The following CCNH variants were observed in gnomAD, a reference collection of about 807,000 sequenced individuals.
The protein encoded by CCNH is cyclin-H.
In CCNH, 31 loss-of-function variants were observed where a neutral mutation model predicts 41.9. The ratio of observed to expected loss-of-function variants is 0.74; its 90% CI spans 0.56 to 1.00. The LOEUF (loss-of-function observed/expected upper bound fraction) is 1.00. Among genes scored for constraint, CCNH ranks in the 50% least tolerant of loss-of-function variants. The probability of loss-of-function intolerance (pLI) is 0.00; values close to 1 mark genes in which losing one functional copy is unlikely to be tolerated. For synonymous variants in CCNH, 138 were observed against 136.1 expected (o/e 1.01, Z -0.10); for missense variants, 362 against 388.4 (o/e 0.93, Z 0.57).
chr5:87,321,597 A>C (rs1001978678), intron 9 of CCNH, among the ~76,000 whole-genome samples: 1 of 152,234 alleles, frequency 6.6e-6, no homozygotes, highest in East Asian at 1.9e-4. Flanking sequence ...ATGTTAAAGG[A>C]TACAAGTAAA....
intron 9 of CCNH, chr5:87,333,442 C>T: frequency 6.6e-7 from 1 of 1,519,190 alleles, no homozygotes; most frequent in Non-Finnish European, 8.9e-7. Flanking sequence ...AAATGGCATA[C>T]AGCAAGGTGA....
At chr5:87,339,080 T>A (rs1758251216) in intron 9 of CCNH, among the ~76,000 whole-genome samples, 1 of 152,168 alleles carries the variant, frequency 6.6e-6, no homozygotes, top group South Asian at 2.1e-4. Context: ...TTCTGTTGTC[T>A]TTTACAGCCT....
At chr5:87,386,691 T>C (rs915585755), downstream of CCNH, 2 of 721,608 alleles carry the variant, frequency 2.8e-6, no homozygotes, top group African/African-American at 1.7e-5. Flanking sequence ...GCTACATGTA[T>C]GGGTTTTGCT....
In CCNH at chr5:87,329,113, T is replaced by G. The variant is rs141062405; in HGVS notation, c.*91-10216A>C. ...ATTAATGTCTTTCTCCTGAACTGAC[T>G]TATCCATTTTAATGCTCAGATCTTA... On this transcript the variant is annotated intron_variant and NMD_transcript_variant, in intron 9 of 9. Transcript: ENST00000645953. Among the ~76,000 whole-genome samples, 402 of 152,238 alleles carry G rather than the reference T, an allele frequency of 2.6e-3. 5 individuals carry two copies. Among genetic ancestry groups the G allele is most frequent in the East Asian group, 8.3e-3 (43 of 5,186 alleles).
At chr5:87,371,802 CTGTT>C (rs1176548833), downstream of CCNH, among the ~76,000 whole-genome samples, 2 of 152,052 alleles carry the variant, frequency 1.3e-5, no homozygotes, top group Non-Finnish European at 2.9e-5. Context: ...AAGGTAGTAT[CTGTT>C]TGGGAGAAAT....
downstream of CCNH, chr5:87,391,081 ATTTGCACT>A: frequency 1.5e-6 from 1 of 647,166 alleles, no homozygotes; most frequent in East Asian, 2.7e-5. Flanking sequence ...TGTGCAGGAT[ATTTGCACT>A]ATTTCCACAT....
intron 9 of CCNH, chr5:87,331,342 C>T: frequency 6.3e-7 from 1 of 1,597,630 alleles, no homozygotes; most frequent in Non-Finnish European, 8.6e-7. Context: ...TCTGTTTTTC[C>T]CCTAGGTGGT....
At chr5:87,409,980 C>A (rs1554054006) in intron 2 of CCNH, among the ~76,000 whole-genome samples, 1 of 152,152 alleles carries the variant, frequency 6.6e-6, no homozygotes, top group Non-Finnish European at 1.5e-5. Context: ...GTATTACTAT[C>A]TCTACAGAGA....
downstream of CCNH, chr5:87,387,040 C>A: frequency 1.4e-6 from 1 of 739,460 alleles, no homozygotes; most frequent in Non-Finnish European, 2.3e-6. Context: ...TTTTGTCTGC[C>A]TTCCTAAACA....
intron 9 of CCNH, among the ~76,000 whole-genome samples, chr5:87,359,277 G>A (rs1235553169): frequency 3.9e-5 from 6 of 152,164 alleles, no homozygotes; most frequent in Non-Finnish European, 7.4e-5. Flanking sequence ...TTCAATGGCT[G>A]TTAGACTCTA....
chr5:87,321,679 C>G (rs562487819), intron 9 of CCNH, among the ~76,000 whole-genome samples: 8 of 152,364 alleles, frequency 5.3e-5, no homozygotes, highest in African/African-American at 1.9e-4. Context: ...GCCTCTGTTT[C>G]CGTGGAGTTA....
chr5:87,404,896 C>G lies in CCNH; in HGVS notation c.637G>C (p.Ala213Pro). 1 of 1,613,378 alleles carries G rather than the reference C, an allele frequency of 6.2e-7. No homozygotes were observed. Among genetic ancestry groups the G allele is most frequent in the Non-Finnish European group, 8.5e-7 (1 of 1,179,632 alleles). ...GCACTAGATAAAATGGCAGTCAGGGCAATTTGGGAAGGTGTGTATAAAAGG... is the reference window on the plus strand; with the variant it reads ...GCACTAGATAAAATGGCAGTCAGGGGAATTTGGGAAGGTGTGTATAAAAGG... Reference protein sequence around the residue: ...AYLLYTPSQIALTAILSSASR... With the variant: ...AYLLYTPSQIPLTAILSSASR... Residue 213 changes from alanine to proline, a missense_variant, in exon 5 of 9, where the codon GCC becomes CCC. By Grantham distance (27) the Ala-to-Pro change is conservative. Coordinates refer to ENST00000256897, the MANE Select transcript of CCNH (RefSeq NM_001239.4).
intron 9 of CCNH, among the ~76,000 whole-genome samples, chr5:87,341,839 A>G (rs1423557996): frequency 1.3e-5 from 2 of 152,080 alleles, no homozygotes; most frequent in Non-Finnish European, 2.9e-5. Flanking sequence ...TTCATCTCCT[A>G]ATATCTTTTC....
At chr5:87,393,671 G>C (rs1285765820), downstream of CCNH, 3 of 152,054 alleles carry the variant, frequency 2.0e-5, no homozygotes, top group Non-Finnish European at 4.4e-5. Context: ...GGATCTAATA[G>C]GTTAATTATA....
At chr5:87,378,563 T>G, upstream of CCNH, 1 of 1,578,742 alleles carries the variant, frequency 6.3e-7, no homozygotes, top group Non-Finnish European at 8.7e-7. Context: ...TTTTAATAAG[T>G]ATTTTTGCAA....
intron 7 of CCNH, among the ~76,000 whole-genome samples, chr5:87,396,823 T>C (rs1200097606): frequency 1.3e-5 from 2 of 152,138 alleles, no homozygotes; most frequent in African/African-American, 2.4e-5. Context: ...ACAATATGTA[T>C]GAAAAATGCA....
chr5:87,379,663 A>G (rs1171720981), upstream of CCNH: 34 of 1,568,718 alleles, frequency 2.2e-5, no homozygotes, highest in African/African-American at 2.7e-5. Context: ...AACTATAACT[A>G]CTTGTTTTCC....
intron 7 of CCNH, among the ~76,000 whole-genome samples, chr5:87,397,168 TG>T: frequency 6.6e-6 from 1 of 151,880 alleles, no homozygotes; most frequent in South Asian, 2.1e-4. Context: ...ATTTTTTTTT[TG>T]TTTTTTTTTT....
At chr5:87,400,962 T>C (rs1028342159) in intron 6 of CCNH, among the ~76,000 whole-genome samples, 2 of 152,234 alleles carry the variant, frequency 1.3e-5, no homozygotes, top group Admixed American at 6.5e-5. Flanking sequence ...CCAGCACTAA[T>C]GACTTTTTGG....
Sources: gnomAD v4.1 joint callset for allele counts (sites outside exome capture counted in the v4.1 genomes callset) on GRCh38, gnomAD v4.1.1 for gene constraint, MANE v1.5 for transcripts, NCBI Gene and HGNC (gene_info 2026-07-23, HGNC 2026-07-21) for gene names.